The following ZNF251 variants were observed in gnomAD, a reference collection of about 807,000 sequenced individuals.
The protein encoded by ZNF251 is zinc finger protein 251.
A neutral mutation model predicts 13.5 loss-of-function variants in ZNF251; 14 were observed. The ratio of observed to expected loss-of-function variants is 1.04; its 90% CI spans 0.69 to 1.63. The LOEUF (loss-of-function observed/expected upper bound fraction) is 1.63. Among genes scored for constraint, ZNF251 ranks in the 40% most tolerant of loss-of-function variants. The pLI is 0.00. For missense variants in ZNF251, 764 were observed against 834.9 expected (o/e 0.92, Z 1.05); for synonymous variants, 287 against 295.2 (o/e 0.97, Z 0.28).
In ZNF251 at chr8:144,742,503, C is replaced by T. The variant is rs546050041; in HGVS notation, c.277+11180G>A. On this transcript the variant is annotated intron_variant, in intron 4 of 4. Coordinates refer to ENST00000292562, the MANE Select transcript of ZNF251 (RefSeq NM_138367.2). ...CACACCTCCCCCACTACTTACCTCC[C>T]GCAACAGTGATAACAGCGTCACAAT... is the stretch of plus-strand genomic sequence containing the variant. Among the ~76,000 whole-genome samples, 118 of 151,634 alleles carry T rather than the reference C, an allele frequency of 7.8e-4. 1 individual carries two copies. Among genetic ancestry groups the T allele is most frequent in the South Asian group, 1.7e-3 (8 of 4,758 alleles).
In ZNF251 at chr8:144,723,277, G is replaced by A. The variant is rs1323108666; in HGVS notation, c.383C>T (p.Ala128Val). ...TGCTTCCCGAAACTCAGCGGCCTGT[G>A]CATTATCCCTTAAGAGTCTTCTTGA... ...FVSRRLLRDN[A>V]QAAEFREAWG... The change falls in exon 5 of 5, where the codon GCA (alanine) becomes GTA (valine). Residue 128 changes from alanine (A) to valine (V), a missense_variant. By Grantham distance (64) the Ala-to-Val change is moderately conservative. Coordinates refer to ENST00000292562, the MANE Select transcript of ZNF251 (RefSeq NM_138367.2). 3 of 1,610,508 alleles carry A rather than the reference G, an allele frequency of 1.9e-6. No homozygotes were observed. Among genetic ancestry groups the A allele is most frequent in the Non-Finnish European group, 2.5e-6 (3 of 1,178,660 alleles).
chr8:144,724,786 T>C (rs1473939507), intron 4 of ZNF251, among the ~76,000 whole-genome samples: 1 of 152,188 alleles, frequency 6.6e-6, no homozygotes, highest in Non-Finnish European at 1.5e-5. Context: ...AAGCTCATAT[T>C]ACAAAGAGAA....
intron 1 of ZNF251, chr8:144,755,157 G>C: frequency 8.4e-7 from 1 of 1,184,048 alleles, no homozygotes; most frequent in South Asian, 1.6e-5. Context: ...ACGTGAGAAG[G>C]AGGCCGCGGG....
At position 144,722,421 on chromosome 8, in the gene ZNF251, G is replaced by T; in HGVS notation, c.1239C>A (p.Ala413=). 1 of 1,613,902 alleles carries T rather than the reference G, an allele frequency of 6.2e-7. No individual in the cohort carries two copies. The highest frequency in any genetic ancestry group is 8.5e-7 in the Non-Finnish European group (1 of 1,179,902). The change falls in exon 5 of 5, where the codon GCC becomes GCA. Residue 413 remains alanine, a synonymous_variant. Coordinates refer to ENST00000292562, the MANE Select transcript of ZNF251 (RefSeq NM_138367.2). This position sits in a 1 kb window ranked among gnomAD's most constrained non-coding sequence, Gnocchi z 4.8. ...CAGTAAGATGAGAGTTAAAACCAAA[G>T]GCTCTGCCGCATTCATTACATACAT... is the stretch of plus-strand genomic sequence containing the variant. The part of the protein sequence containing the change: ...KPYVCNECGR[A]FGFNSHLTEH...
intron 4 of ZNF251, among the ~76,000 whole-genome samples, chr8:144,733,091 A>G (rs1344986820): frequency 6.6e-6 from 1 of 151,712 alleles, no homozygotes; most frequent in Non-Finnish European, 1.5e-5. Context: ...GCGTGGTGGC[A>G]TATGCCTGTA....
At chr8:144,730,210 C>T in intron 4 of ZNF251, 3 of 716,674 alleles carry the variant, frequency 4.2e-6, no homozygotes, top group Non-Finnish European at 5.1e-6. Flanking sequence ...GGGCCCAGAG[C>T]GCCAATCCCT....
rs1173755387 is a variant in ZNF251 at position 144,734,867 on chromosome 8, A to G, written c.278-11485T>C. Among the ~76,000 whole-genome samples, 1 of 151,940 alleles carries G rather than the reference A, an allele frequency of 6.6e-6. No individual in the cohort carries two copies. The highest frequency in any genetic ancestry group is 2.4e-5 in the African/African-American group (1 of 41,320). On this transcript the variant is annotated intron_variant, in intron 4 of 4. Coordinates refer to ENST00000292562, the MANE Select transcript of ZNF251 (RefSeq NM_138367.2). The surrounding 1 kb of genome is among the most constrained non-coding windows in gnomAD (Gnocchi z 4.4). ...GGTGGGTAGATCACCTGAGGTCAGGAGTTTGAGACCAGCCTGACCAACACA... is the reference window on the plus strand; with the variant it reads ...GGTGGGTAGATCACCTGAGGTCAGGGGTTTGAGACCAGCCTGACCAACACA...
chr8:144,754,971 C>A (rs968407239), intron 1 of ZNF251, 168 bp from the exon 2 acceptor site: 1 of 1,398,052 alleles, frequency 7.2e-7, no homozygotes, highest in Non-Finnish European at 9.2e-7. Context: ...AATCCCAGAA[C>A]GGCCAGAGCC....
intron 4 of ZNF251, among the ~76,000 whole-genome samples, chr8:144,730,989 G>A (rs2730061): frequency 0.043 from 6,531 of 152,234 alleles, 538 homozygotes; most frequent in East Asian, 0.37. Context: ...ACTGTGTCGC[G>A]CAGACACATG....
chr8:144,729,543 A>G (rs1457132594), intron 4 of ZNF251, among the ~76,000 whole-genome samples: 2 of 151,868 alleles, frequency 1.3e-5, no homozygotes, highest in East Asian at 2.0e-4. Context: ...TCACTGTGTT[A>G]ACCAGGATGG....
chr8:144,749,879 T>C (rs1824609539), intron 4 of ZNF251, among the ~76,000 whole-genome samples: 1 of 131,914 alleles, frequency 7.6e-6, no homozygotes, highest in Non-Finnish European at 1.6e-5. Context: ...TCTTTTCTTT[T>C]TTTTCTTTTT....
intron 4 of ZNF251, chr8:144,753,480 T>A (rs1824799459): frequency 5.5e-6 from 3 of 541,108 alleles, no homozygotes; most frequent in Non-Finnish European, 9.8e-6. Flanking sequence ...ATATATATAT[T>A]TTTAAAGCAA....
rs1299425520 is a variant in ZNF251 at position 144,734,256 on chromosome 8, C to T, written c.278-10874G>A. On this transcript the variant is annotated intron_variant, in intron 4 of 4. Coordinates refer to ENST00000292562, the MANE Select transcript of ZNF251 (RefSeq NM_138367.2). The surrounding 1 kb of genome is among the most constrained non-coding windows in gnomAD (Gnocchi z 4.4). The stretch of plus-strand genomic sequence containing the variant: ...ACAGGTATCCAGGTCTACTGCAGAC[C>T]CCAGACCATGGGCAATCCCTGCAGG... Among the ~76,000 whole-genome samples the T allele has an allele frequency of 1.3e-5, 2 of 152,212 alleles. No individual in the cohort carries two copies. The highest frequency in any genetic ancestry group is 2.9e-5 in the Non-Finnish European group (2 of 68,028).
At chr8:144,740,964 C>A (rs146747574) in intron 4 of ZNF251, among the ~76,000 whole-genome samples, 1,659 of 151,624 alleles carry the variant, frequency 0.011, 26 homozygotes, top group African/African-American at 0.034. Context: ...CAAAAAAAAA[C>A]CCCCAAAAAT....
intron 4 of ZNF251, among the ~76,000 whole-genome samples, chr8:144,740,422 A>G (rs1341913856): frequency 6.6e-6 from 1 of 152,044 alleles, no homozygotes; most frequent in Non-Finnish European, 1.5e-5. Context: ...GGATCACCTG[A>G]GGTCAGGAGT....
chr8:144,724,157 T>C (rs1049891619), intron 4 of ZNF251, among the ~76,000 whole-genome samples: 1 of 144,612 alleles, frequency 6.9e-6, no homozygotes, highest in South Asian at 2.2e-4. Context: ...GGCAGGAGAA[T>C]GGCGTGAACC....
intron 4 of ZNF251, among the ~76,000 whole-genome samples, chr8:144,749,884 C>CTTTTTTTTTTTTTT (rs58426780): frequency 7.8e-6 from 1 of 128,370 alleles, no homozygotes; most frequent in Non-Finnish European, 1.6e-5. Flanking sequence ...TCTTTTTTTT[C>CTTTTTTTTTTTTTT]TTTTTTTTTT....
rs1484063065 is a variant in ZNF251 at position 144,722,728 on chromosome 8, T to C, written c.932A>G (p.His311Arg). 7 of 1,614,118 alleles carry C rather than the reference T, an allele frequency of 4.3e-6. No homozygotes were observed. Among genetic ancestry groups the C allele is most frequent in the African/African-American group, 1.3e-5 (1 of 75,048 alleles). The change falls in exon 5 of 5, where the codon CAT becomes CGT. Residue 311 changes from histidine to arginine, a missense_variant. Transcript: ENST00000292562. The surrounding 1 kb of genome is among the most constrained non-coding windows in gnomAD (Gnocchi z 4.8). The stretch of plus-strand genomic sequence containing the variant: ...TTTCTCTCCTGTGTGAATGATCCGA[T>C]GTTGAATAAGAGTTGAGCTTCGACT... ...AFSRSSTLIQHRIIHTGEKPY... is the reference protein window; with the variant it reads ...AFSRSSTLIQRRIIHTGEKPY...
chr8:144,749,711 G>A (rs1824599455), intron 4 of ZNF251, among the ~76,000 whole-genome samples: 3 of 151,306 alleles, frequency 2.0e-5, no homozygotes, highest in African/African-American at 7.3e-5. Context: ...TTTTAAATTG[G>A]TTTGCAATCT....
Sources: allele counts gnomAD v4.1 joint callset (sites outside exome capture counted in the v4.1 genomes callset), GRCh38; gene constraint gnomAD v4.1.1; non-coding constraint Gnocchi (gnomAD v3.1); transcripts MANE v1.5; gene names NCBI Gene and HGNC (gene_info 2026-07-23, HGNC 2026-07-21).